Variants in LYRM4 observed in about 807,000 individuals in gnomAD.
LYRM4 encodes LYR motif-containing protein 4.
A neutral mutation model predicts 11.7 loss-of-function variants in LYRM4; 9 were observed. The observed-to-expected ratio is 0.77, with a 90% confidence interval of 0.46 to 1.34. The LOEUF (loss-of-function observed/expected upper bound fraction) is 1.34, where lower values mean the gene tolerates loss of function less well. Among genes scored for constraint, LYRM4 ranks in the 40% most tolerant of loss-of-function variants. The pLI is 0.00. For synonymous variants in LYRM4, 42 were observed against 40.4 expected, an observed-to-expected ratio of 1.04 and a Z score of -0.15; for missense variants, 133 against 112.5, an observed-to-expected ratio of 1.18 and a Z score of -0.82.
Position 5,260,631 on chromosome 6 carries a change from G to A in LYRM4, c.86+17C>T. 2.6e-6 allele frequency: 2 copies of A among 778,892 alleles called. No homozygotes were observed. The highest frequency in any genetic ancestry group is 3.7e-6 in the Non-Finnish European group (2 of 544,240). 48.2% of individuals were successfully genotyped at this position (778,892 alleles called of 1,614,324 possible). A position where few individuals can be genotyped will look rare whatever the true frequency, so the allele number is the denominator to read the frequency against. On this transcript the variant is annotated intron_variant, in intron 1 of 2. Transcript: ENST00000330636. The stretch of plus-strand genomic sequence containing the variant: ...CCCTGGCCCCCCGCCCCCGGCCCCC[G>A]GTGCCCGCTGGGTCACCTGTAATTG...
At chr6:5,179,790 A>G (rs1759964825) in intron 2 of LYRM4, among the ~76,000 whole-genome samples, 2 of 152,336 alleles carry the variant, frequency 1.3e-5, no homozygotes, top group Admixed American at 6.5e-5. Context: ...CCAGAAGTGT[A>G]ATTGTTGCAT....
At chr6:5,098,312 C>T in the LYRM4 span, among the ~76,000 whole-genome samples, 2 of 152,230 alleles carry the variant, frequency 1.3e-5, no homozygotes. Context: ...GCCCAGCAGG[C>T]ACGTGGCTCT....
chr6:5,151,298 T>C (rs924167393), intron 2 of LYRM4, among the ~76,000 whole-genome samples: 2 of 152,130 alleles, frequency 1.3e-5, no homozygotes, highest in African/African-American at 2.4e-5. Context: ...TTGGCCAGGA[T>C]GGTCTCTATC....
At chr6:5,072,353 T>G in the LYRM4 span, among the ~76,000 whole-genome samples, 2 of 152,292 alleles carry the variant, frequency 1.3e-5, no homozygotes, top group East Asian at 3.9e-4. Context: ...GTAATGAGAT[T>G]GCTGGGTTGA....
chr6:5,254,162 A>C (rs1253334407), intron 1 of LYRM4, among the ~76,000 whole-genome samples: 1 of 152,240 alleles, frequency 6.6e-6, no homozygotes, highest in Non-Finnish European at 1.5e-5. Context: ...TGGTCAACAG[A>C]AACGGCCCAA....
At chr6:5,055,534 C>T in the LYRM4 span, among the ~76,000 whole-genome samples, 1,891 of 152,278 alleles carry the variant, frequency 0.012, 36 homozygotes, top group African/African-American at 0.042. This position sits in a 1 kb window ranked among gnomAD's most constrained non-coding sequence, Gnocchi z 4.5. Flanking sequence ...AAATAGGACA[C>T]GTTCCTCAAG....
chr6:5,090,043 A>ACACACACACACACACACAC, the LYRM4 span, among the ~76,000 whole-genome samples: 1 of 143,902 alleles, frequency 6.9e-6, no homozygotes, highest in African/African-American at 2.5e-5. The surrounding 1 kb of genome is among the most constrained non-coding windows in gnomAD (Gnocchi z 4.8). Context: ...CACACACACC[A>ACACACACACACACACACAC]CACACACACC....
chr6:5,184,900 A>G (rs1486609759), intron 2 of LYRM4, among the ~76,000 whole-genome samples: 1 of 152,152 alleles, frequency 6.6e-6, no homozygotes, highest in Admixed American at 6.5e-5. Context: ...CTCTGATTAC[A>G]CTTGGAAGGG....
chr6:5,084,212 C>T, the LYRM4 span, among the ~76,000 whole-genome samples: 3 of 152,244 alleles, frequency 2.0e-5, no homozygotes, highest in East Asian at 1.9e-4. Context: ...CTTAGATGGC[C>T]CTCAGGGTGG....
the LYRM4 span, among the ~76,000 whole-genome samples, chr6:5,081,389 G>A: frequency 9.8e-5 from 15 of 152,312 alleles, no homozygotes; most frequent in East Asian, 2.9e-3. Context: ...AGGCAAGGGG[G>A]AGGACCCGAA....
chr6:5,150,923 T>C (rs1758051092), intron 2 of LYRM4, among the ~76,000 whole-genome samples: 2 of 152,158 alleles, frequency 1.3e-5, no homozygotes, highest in African/African-American at 4.8e-5. Flanking sequence ...ATGTCTTCTT[T>C]TCTCCCTTCC....
At chr6:5,231,294 C>A (rs1443394787) in intron 1 of LYRM4, among the ~76,000 whole-genome samples, 2 of 152,100 alleles carry the variant, frequency 1.3e-5, no homozygotes, top group African/African-American at 4.8e-5. Context: ...AGCTACAAAC[C>A]AGGTGGTAAC....
chr6:5,044,035 T>C, the LYRM4 span, among the ~76,000 whole-genome samples: 1 of 152,204 alleles, frequency 6.6e-6, no homozygotes, highest in African/African-American at 2.4e-5. Flanking sequence ...TCTTGGGAAC[T>C]GTGTGAAACT....
chr6:5,260,594 C>T, intron 1 of LYRM4, 54 bp downstream of exon 1: 1 of 1,210,554 alleles, frequency 8.3e-7, no homozygotes, highest in Non-Finnish European at 1.2e-6. Context: ...GCCCGCACCC[C>T]CGGTCCCCGG....
intron 2 of LYRM4, among the ~76,000 whole-genome samples, chr6:5,180,261 T>C (rs900755614): frequency 2.6e-5 from 4 of 152,198 alleles, no homozygotes; most frequent in African/African-American, 9.7e-5. Context: ...CTACCATGTA[T>C]GGTGGCACAG....
chr6:5,069,347 T>A, the LYRM4 span, among the ~76,000 whole-genome samples: 2 of 148,662 alleles, frequency 1.3e-5, no homozygotes, highest in East Asian at 3.9e-4. Context: ...AAAACAAGAG[T>A]AATAAACATC....
intron 1 of LYRM4, chr6:5,240,755 A>G (rs1763828998): frequency 6.6e-6 from 1 of 152,250 alleles, no homozygotes; most frequent in Non-Finnish European, 1.5e-5. Flanking sequence ...TTTAGGGAGT[A>G]ACAACTAAAG....
chr6:5,086,667 C>G, the LYRM4 span: 1 of 986,052 alleles, frequency 1.0e-6, no homozygotes, highest in Non-Finnish European at 1.5e-6. Context: ...CGTGGCGAGT[C>G]TGGCGTGAGG....
At chr6:5,084,592 G>C in the LYRM4 span, 49 of 152,176 alleles carry the variant, frequency 3.2e-4, no homozygotes, top group African/African-American at 1.1e-3. Flanking sequence ...GCCTCCGGCC[G>C]CTCTCGGCTG....
Sources: allele counts gnomAD v4.1 joint callset (sites outside exome capture counted in the v4.1 genomes callset), GRCh38; gene constraint gnomAD v4.1.1; non-coding constraint Gnocchi (gnomAD v3.1); transcripts MANE v1.5; gene names NCBI Gene and HGNC (gene_info 2026-07-23, HGNC 2026-07-21).